The following NKAIN2 variants were observed in gnomAD, a reference collection of about 807,000 sequenced individuals.
NKAIN2 encodes the protein sodium/potassium transporting ATPase interacting 2, also known as sodium/potassium-transporting ATPase subunit beta-1-interacting protein 2.
NKAIN2 carries 14 observed loss-of-function variants against 32.6 expected under a neutral mutation model. That is an observed-to-expected ratio of 0.43 (90% CI 0.28 to 0.67). The LOEUF (loss-of-function observed/expected upper bound fraction) is 0.67. Ranked by LOEUF, NKAIN2 falls within the 30% of genes least tolerant of loss-of-function variation. The pLI, the probability that NKAIN2 is intolerant of heterozygous loss-of-function variation, is 0.17. For missense variants in NKAIN2, 198 were observed against 258.3 expected (o/e 0.77, Z 1.60); for synonymous variants, 80 against 87.2 (o/e 0.92, Z 0.46).
chr6:123,838,681 C>G (rs1280811324), intron 1 of NKAIN2, among the ~76,000 whole-genome samples: 1 of 152,132 alleles, frequency 6.6e-6, no homozygotes, highest in East Asian at 1.9e-4. Context: ...GTAAACACAA[C>G]TCTTGGAGGG....
At chr6:124,135,803 G>A (rs1401140802) in intron 1 of NKAIN2, among the ~76,000 whole-genome samples, 1 of 151,998 alleles carries the variant, frequency 6.6e-6, no homozygotes, top group East Asian at 1.9e-4. Flanking sequence ...GTGAAATCAA[G>A]ATGGAAATTT....
chr6:124,546,581 A>G lies in NKAIN2; in HGVS notation c.274-111605A>G, dbSNP rs149403244. On this transcript the variant is annotated intron_variant, in intron 3 of 6. Coordinates refer to ENST00000368417, the MANE Select transcript of NKAIN2 (RefSeq NM_001040214.3). ...GATAAAAATAGATTTATATATATAT[A>G]TCTCCCCTACCTCATCGAATATATA... is the stretch of plus-strand genomic sequence containing the variant. Among the ~76,000 whole-genome samples the G allele has an allele frequency of 2.1e-3, 314 of 152,006 alleles. 2 individuals carry two copies. Among genetic ancestry groups the G allele is most frequent in the African/African-American group, 7.3e-3 (303 of 41,516 alleles).
At chr6:124,060,011 A>G (rs199524412) in intron 1 of NKAIN2, among the ~76,000 whole-genome samples, 2 of 152,262 alleles carry the variant, frequency 1.3e-5, no homozygotes, top group East Asian at 3.9e-4. Flanking sequence ...AGTGTTTCCA[A>G]AGTTCGAGTA....
intron 1 of NKAIN2, among the ~76,000 whole-genome samples, chr6:123,927,138 T>C (rs929345419): frequency 2.0e-5 from 3 of 151,970 alleles, no homozygotes; most frequent in African/African-American, 7.2e-5. Flanking sequence ...CATGTGGCCA[T>C]GGAGAAGATG....
chr6:123,865,855 A>G (rs9490975), intron 1 of NKAIN2, among the ~76,000 whole-genome samples: 3,245 of 152,338 alleles, frequency 0.021, 108 homozygotes, highest in African/African-American at 0.074. Context: ...AGAGAAAAAG[A>G]CAGAGTGTGC....
At chr6:123,947,276 T>A (rs1475211205) in intron 1 of NKAIN2, among the ~76,000 whole-genome samples, 1 of 152,228 alleles carries the variant, frequency 6.6e-6, no homozygotes, top group Non-Finnish European at 1.5e-5. Context: ...TTTCTAGATC[T>A]GACTATGAAC....
intron 2 of NKAIN2, among the ~76,000 whole-genome samples, chr6:124,352,116 T>A (rs920807415): frequency 1.5e-4 from 23 of 152,188 alleles, no homozygotes; most frequent in African/African-American, 4.8e-4. Flanking sequence ...ATGGGTCATA[T>A]CACTTGAAGA....
chr6:124,732,622 C>G (rs1056695395), intron 4 of NKAIN2, among the ~76,000 whole-genome samples: 1 of 151,916 alleles, frequency 6.6e-6, no homozygotes, highest in Non-Finnish European at 1.5e-5. Flanking sequence ...CAAATAAGTA[C>G]AAATAGAACT....
At chr6:124,388,899 A>G (rs754179982) in intron 3 of NKAIN2, among the ~76,000 whole-genome samples, 6 of 152,122 alleles carry the variant, frequency 3.9e-5, no homozygotes, top group Non-Finnish European at 7.4e-5. Context: ...GCATAGTGCT[A>G]AAGTACTGAC....
At chr6:123,931,230 A>G (rs1457019974) in intron 1 of NKAIN2, among the ~76,000 whole-genome samples, 2 of 151,356 alleles carry the variant, frequency 1.3e-5, no homozygotes, top group Non-Finnish European at 1.5e-5. Context: ...ACATAGCTCT[A>G]TAGTTTCCTG....
chr6:124,752,517 G>T (rs953403972), intron 4 of NKAIN2, among the ~76,000 whole-genome samples: 2 of 151,618 alleles, frequency 1.3e-5, no homozygotes, highest in Admixed American at 1.3e-4. Flanking sequence ...CAAACTTTCT[G>T]GTTATCAAAA....
intron 1 of NKAIN2, among the ~76,000 whole-genome samples, chr6:124,064,124 A>G (rs1783047834): frequency 2.0e-5 from 3 of 151,496 alleles, no homozygotes; most frequent in South Asian, 2.1e-4. Context: ...CTAATTTTTT[A>G]TATTTCTTAG....
At chr6:124,679,407 C>T (rs1473581629) in intron 4 of NKAIN2, among the ~76,000 whole-genome samples, 2 of 152,062 alleles carry the variant, frequency 1.3e-5, no homozygotes, top group Admixed American at 1.3e-4. Context: ...GTATGAATGT[C>T]GGACATATTT....
At chr6:124,474,015 T>TA (rs1323046156) in intron 3 of NKAIN2, among the ~76,000 whole-genome samples, 3 of 152,122 alleles carry the variant, frequency 2.0e-5, no homozygotes, top group Non-Finnish European at 2.9e-5. Context: ...AAATCAGCAT[T>TA]ATCTTCTTCT....
intron 1 of NKAIN2, among the ~76,000 whole-genome samples, chr6:124,232,645 T>C (rs1478949428): frequency 2.0e-5 from 3 of 152,162 alleles, no homozygotes; most frequent in Non-Finnish European, 4.4e-5. Context: ...CTTTCCTGAT[T>C]GAATCTGTGT....
At chr6:123,847,033 T>C (rs945250318) in intron 1 of NKAIN2, among the ~76,000 whole-genome samples, 1 of 152,214 alleles carries the variant, frequency 6.6e-6, no homozygotes, top group Admixed American at 6.5e-5. Context: ...ACATTCTTTA[T>C]TTCAGAATTT....
intron 4 of NKAIN2, among the ~76,000 whole-genome samples, chr6:124,707,712 T>C (rs899051945): frequency 5.3e-5 from 8 of 151,890 alleles, no homozygotes. Flanking sequence ...TGTAAATTTG[T>C]TTGAGTCCAT....
chr6:124,342,355 G>A (rs1381200461), intron 2 of NKAIN2, among the ~76,000 whole-genome samples: 4 of 149,648 alleles, frequency 2.7e-5, no homozygotes, highest in African/African-American at 9.9e-5. Context: ...CTTGCAGTGA[G>A]CCGAGATTGC....
intron 3 of NKAIN2, among the ~76,000 whole-genome samples, chr6:124,460,538 A>C (rs1004596905): frequency 2.0e-5 from 3 of 151,760 alleles, no homozygotes; most frequent in Non-Finnish European, 4.4e-5. Flanking sequence ...TTCCTTTGGA[A>C]TTATTAAGGT....
Sources: gnomAD v4.1 joint callset for allele counts (sites outside exome capture counted in the v4.1 genomes callset) on GRCh38, gnomAD v4.1.1 for gene constraint, MANE v1.5 for transcripts, NCBI Gene and HGNC (gene_info 2026-07-23, HGNC 2026-07-21) for gene names.